The following SVEP1 variants were observed in gnomAD, a reference collection of about 807,000 sequenced individuals.
SVEP1 encodes the protein sushi, von Willebrand factor type A, EGF and pentraxin domain-containing protein 1.
SVEP1 carries 164 observed loss-of-function variants against 367.3 expected under a neutral mutation model. The observed-to-expected ratio is 0.45, with a 90% CI of 0.39 to 0.51. The LOEUF (loss-of-function observed/expected upper bound fraction) is 0.51. Among genes scored for constraint, SVEP1 ranks in the 20% least tolerant of loss-of-function variants. SVEP1 has a pLI of 0.00. For synonymous variants in SVEP1, 1,666 were observed against 1,611.6 expected (o/e 1.03, Z -0.81); for missense variants, 4,117 against 4,425.3 (o/e 0.93, Z 1.98).
At chr9:110,460,471 G>A (rs1828841041) in intron 18 of SVEP1, among the ~76,000 whole-genome samples, 1 of 152,188 alleles carries the variant, frequency 6.6e-6, no homozygotes, top group South Asian at 2.1e-4. Flanking sequence ...TCAAAGGAGT[G>A]GTGGGGTATG....
intron 3 of SVEP1, among the ~76,000 whole-genome samples, chr9:110,515,725 T>C (rs1360876940): frequency 1.3e-5 from 2 of 152,162 alleles, no homozygotes; most frequent in Non-Finnish European, 1.5e-5. Flanking sequence ...ATTTTAAACA[T>C]CAGAAAATGG....
chr9:110,486,578 TC>T (rs1016768505), intron 9 of SVEP1, among the ~76,000 whole-genome samples: 3 of 151,800 alleles, frequency 2.0e-5, no homozygotes, highest in African/African-American at 7.3e-5. Context: ...ACTCCCTACA[TC>T]CCTCTCTGCT....
At chr9:110,411,769 G>C in intron 36 of SVEP1, 34 bp from the exon 37 acceptor site, 1 of 1,444,428 alleles carries the variant, frequency 6.9e-7, no homozygotes, top group Non-Finnish European at 9.1e-7. Flanking sequence ...GAATAACTAA[G>C]CATAATATTT....
chr9:110,426,583 G>A (rs1828256879), intron 36 of SVEP1, among the ~76,000 whole-genome samples: 1 of 152,186 alleles, frequency 6.6e-6, no homozygotes, highest in Admixed American at 6.5e-5. Context: ...AAGAACAACT[G>A]TAGTAAATCT....
chr9:110,491,248 T>C (rs2118728678), intron 8 of SVEP1, among the ~76,000 whole-genome samples: 1 of 152,072 alleles, frequency 6.6e-6, no homozygotes, highest in African/African-American at 2.4e-5. Flanking sequence ...TAGGTATTCT[T>C]CTACTTTCCG....
At chr9:110,491,748 G>C (rs1435380904) in intron 8 of SVEP1, among the ~76,000 whole-genome samples, 1 of 151,920 alleles carries the variant, frequency 6.6e-6, no homozygotes, top group Non-Finnish European at 1.5e-5. Context: ...TCATGGAATA[G>C]ATAATAGACA....
chr9:110,428,890 G>A (rs918488207), intron 35 of SVEP1, among the ~76,000 whole-genome samples: 1 of 152,116 alleles, frequency 6.6e-6, no homozygotes, highest in African/African-American at 2.4e-5. Flanking sequence ...GGACAAAATG[G>A]CGAAACCCAC....
intron 36 of SVEP1, among the ~76,000 whole-genome samples, chr9:110,413,212 TA>T (rs1294705365): frequency 2.8e-5 from 4 of 141,246 alleles, no homozygotes; most frequent in Admixed American, 2.1e-4. Context: ...TATGCAGCCA[TA>T]AAAAATGATG....
chr9:110,560,781 C>G (rs186626639), intron 1 of SVEP1, among the ~76,000 whole-genome samples: 1 of 152,142 alleles, frequency 6.6e-6, no homozygotes, highest in Non-Finnish European at 1.5e-5. Context: ...CATCCAGATG[C>G]GTACATTTCC....
intron 1 of SVEP1, among the ~76,000 whole-genome samples, chr9:110,576,302 T>C (rs776792446): frequency 6.6e-6 from 1 of 151,548 alleles, no homozygotes; most frequent in Non-Finnish European, 1.5e-5. Context: ...TGAAAAATAA[T>C]GATAGTAGAA....
chr9:110,408,117 C>G lies in SVEP1; in HGVS notation c.7483G>C (p.Ala2495Pro). The change falls in exon 38 of 48, where the codon GCC (alanine) becomes CCC (proline). Residue 2495 changes from alanine to proline, a missense_variant. By Grantham distance (27) the Ala-to-Pro change is conservative. Around this residue, in one of 4 missense-constraint regions of SVEP1, gnomAD observed 1,765 missense variants for 1,781.1 expected, o/e 0.99. Coordinates refer to ENST00000374469, the MANE Select transcript of SVEP1 (RefSeq NM_153366.4). Reference protein sequence around the residue: ...HWLGGKPTCKAIECLKPKEIL... With the variant: ...HWLGGKPTCKPIECLKPKEIL... ...TCCTTGGGTTTCAGGCACTCAATGG[C>G]TTTACATGTTGGTTTTCCTCCAAGC... The G allele has an allele frequency of 1.2e-6, 2 of 1,613,836 alleles. No homozygotes were observed. The highest frequency in any genetic ancestry group is 1.7e-6 in the Non-Finnish European group (2 of 1,179,830).
At chr9:110,472,492 A>G (rs1328800195) in intron 14 of SVEP1, among the ~76,000 whole-genome samples, 169 bp from the exon 15 acceptor site, 4 of 152,172 alleles carry the variant, frequency 2.6e-5, no homozygotes, top group Non-Finnish European at 5.9e-5. Context: ...GTAATTTTTG[A>G]TCACTTCATA....
Position 110,400,914 on chromosome 9 carries a change from G to A in SVEP1, c.9762C>T (p.Gly3254=), listed in dbSNP as rs1178080376. ...PESPEHGFVV[G]SKYTFESTII... is the part of the protein sequence containing the mutation. The stretch of plus-strand genomic sequence containing the variant: ...TTGTGCTTTCAAAGGTGTATTTACT[G>A]CCAACCACAAATCCATGTTCTGGAC... Residue 3254 remains glycine (G), a synonymous_variant, in exon 40 of 48, where the codon GGC becomes GGT. Coordinates refer to ENST00000374469, the MANE Select transcript of SVEP1 (RefSeq NM_153366.4). 6 of 1,613,716 alleles carry A rather than the reference G, an allele frequency of 3.7e-6. No individual in the cohort carries two copies. Among genetic ancestry groups the A allele is most frequent in the Non-Finnish European group, 8.5e-7 (1 of 1,179,834 alleles).
intron 44 of SVEP1, among the ~76,000 whole-genome samples, chr9:110,378,529 T>C (rs1827386088): frequency 6.6e-6 from 1 of 152,150 alleles, no homozygotes; most frequent in Non-Finnish European, 1.5e-5. Context: ...TTGCAAAAAA[T>C]TTCCCCCATG....
chr9:110,366,444 C>T lies in SVEP1; in HGVS notation c.*95G>A, dbSNP rs900539481. 1.6e-6 allele frequency: 2 copies of T among 1,286,800 alleles called. No individual in the cohort carries two copies. Among genetic ancestry groups the T allele is most frequent in the African/African-American group, 1.5e-5 (1 of 66,078 alleles). 79.7% of individuals were successfully genotyped at this position (1,286,800 alleles called of 1,614,324 possible). A position where few individuals can be genotyped will look rare whatever the true frequency, so the allele number is the denominator to read the frequency against. On this transcript the variant is annotated 3_prime_UTR_variant, in exon 48 of 48. Coordinates refer to ENST00000374469, the MANE Select transcript of SVEP1 (RefSeq NM_153366.4). ...AAGTTTACTAAACAAGACCCAGCAC[C>T]ATGTTGGACTTTCTTTGCATAAGTT...
chr9:110,492,892 A>G (rs963390631), intron 8 of SVEP1, among the ~76,000 whole-genome samples: 1 of 151,954 alleles, frequency 6.6e-6, no homozygotes, highest in African/African-American at 2.4e-5. Context: ...CATGCCTTGG[A>G]GTTTAGGGGC....
chr9:110,507,538 G>A (rs565402330), intron 5 of SVEP1, among the ~76,000 whole-genome samples: 1 of 152,308 alleles, frequency 6.6e-6, no homozygotes, highest in African/African-American at 2.4e-5. Context: ...TTAGAGATTA[G>A]ATCATAAACC....
intron 3 of SVEP1, among the ~76,000 whole-genome samples, chr9:110,536,658 T>C (rs1479864115): frequency 1.3e-5 from 2 of 152,012 alleles, no homozygotes; most frequent in Non-Finnish European, 2.9e-5. Context: ...TGGAAACCCT[T>C]CTTTAATCAA....
At chr9:110,447,381 A>G (rs1400503281) in intron 24 of SVEP1, among the ~76,000 whole-genome samples, 3 of 152,240 alleles carry the variant, frequency 2.0e-5, no homozygotes, top group Non-Finnish European at 4.4e-5. Flanking sequence ...AAAGGCTTTT[A>G]TATGTTAAGC....
Sources: allele counts gnomAD v4.1 joint callset (sites outside exome capture counted in the v4.1 genomes callset), GRCh38; gene constraint gnomAD v4.1.1; regional missense constraint gnomAD v4.1.1; transcripts MANE v1.5; gene names NCBI Gene and HGNC (gene_info 2026-07-23, HGNC 2026-07-21).